KANK1: variants seen among roughly 807,000 people sequenced by gnomAD.
KANK1 encodes the protein KN motif and ankyrin repeat domain-containing protein 1.
Under a neutral mutation model 106.2 loss-of-function variants are expected in KANK1, and 109 were observed. The ratio of observed to expected loss-of-function variants is 1.03; its 90% CI spans 0.88 to 1.20. The LOEUF (loss-of-function observed/expected upper bound fraction) is 1.20, where lower values mean the gene tolerates loss of function less well. KANK1 is among the 50% of genes most tolerant of loss of function. The pLI is 0.00. For missense variants in KANK1, 2,399 were observed against 1,710.7 expected (o/e 1.40, Z -7.10); for synonymous variants, 873 against 652.2 (o/e 1.34, Z -5.16).
In KANK1 at chr9:730,174, A is replaced by T. The variant is rs1403351620; in HGVS notation, c.2822A>T (p.Asp941Val). Residue 941 changes from aspartate (D) to valine (V), a missense_variant, in exon 4 of 12, where the codon GAT becomes GTT. Transcript: ENST00000382297. ...TSEGKPISSL[D>V]AFPTQEGTLS... ...GAAGGAAAGCCAATCAGCAGCCTGG[A>T]TGCCTTCCCCACTCAGGAAGGTACG... 1.9e-6 allele frequency: 3 copies of T among 1,614,156 alleles called. No individual in the cohort carries two copies. In the South Asian group the frequency reaches 3.3e-5, roughly 18 times the overall value.
At chr9:625,867 G>A (rs1459672364) in intron 1 of KANK1, among the ~76,000 whole-genome samples, 1 of 151,982 alleles carries the variant, frequency 6.6e-6, no homozygotes, top group African/African-American at 2.4e-5. Flanking sequence ...TCACCACTCG[G>A]TTCATTTCCC....
chr9:726,009 T>A (rs1830545640), intron 3 of KANK1, among the ~76,000 whole-genome samples: 1 of 152,248 alleles, frequency 6.6e-6, no homozygotes, highest in South Asian at 2.1e-4. Context: ...TGTGACTCTT[T>A]AGCCTTAGCA....
At chr9:476,856 A>G (rs994987048) in intron 3 of KANK1, 2 of 152,222 alleles carry the variant, frequency 1.3e-5, no homozygotes, top group African/African-American at 4.8e-5. Context: ...CAGCATTTGA[A>G]TGAATGAATG....
intron 1 of KANK1, among the ~76,000 whole-genome samples, chr9:613,842 G>A (rs891282338): frequency 6.6e-6 from 1 of 152,128 alleles, no homozygotes; most frequent in Non-Finnish European, 1.5e-5. Flanking sequence ...CAGCCTTTTG[G>A]GAAGTTAAAT....
At chr9:649,366 C>T (rs763976141) in intron 1 of KANK1, among the ~76,000 whole-genome samples, 5 of 152,124 alleles carry the variant, frequency 3.3e-5, no homozygotes, top group Non-Finnish European at 5.9e-5. Flanking sequence ...TTGGACCTCA[C>T]CTTATCTGGT....
chr9:649,562 A>T (rs1056579815), intron 1 of KANK1, among the ~76,000 whole-genome samples: 3 of 152,172 alleles, frequency 2.0e-5, no homozygotes, highest in Admixed American at 6.5e-5. Flanking sequence ...ATAGCTACAC[A>T]CTATAGCAGG....
At chr9:503,001 ATTTTTTTTT>A (rs35195436), upstream of KANK1, among the ~76,000 whole-genome samples, 197 of 70,244 alleles carry the variant, frequency 2.8e-3, 1 homozygote, top group South Asian at 0.023. Flanking sequence ...CGCCCAGCTG[ATTTTTTTTT>A]TTTTTTTTTT....
At chr9:734,082 C>G (rs950568928) in intron 6 of KANK1, 4 of 130,892 alleles carry the variant, frequency 3.1e-5, no homozygotes, top group Admixed American at 1.9e-4. Context: ...GCACTCCAGC[C>G]TGGGCAACAG....
chr9:713,497 AAG>A lies in KANK1; in HGVS notation c.2698+34_2698+35del, dbSNP rs750828584. 2.0e-6 allele frequency: 3 copies of A among 1,519,028 alleles called. No homozygotes were observed. In the Admixed American group the frequency reaches 6.9e-5, roughly 35 times the overall value. The allele number at this position is 1,519,028 out of a possible 1,614,324, so 94.1% of individuals were successfully genotyped here. ...GTACCCTGAGGACCTGGGAATGAGGAAGGATGGGGGAAAATGTCTTTCCAGAA... is the reference window on the plus strand; with the variant it reads ...GTACCCTGAGGACCTGGGAATGAGGAGATGGGGGAAAATGTCTTTCCAGAA... On this transcript the variant is annotated intron_variant, in intron 3 of 11. Coordinates refer to ENST00000382297, the MANE Select transcript of KANK1 (RefSeq NM_015158.5).
chr9:687,327 G>A (rs9408679), intron 2 of KANK1, among the ~76,000 whole-genome samples: 2,600 of 152,190 alleles, frequency 0.017, 31 homozygotes, highest in Non-Finnish European at 0.029. Context: ...ATTGAGCTTT[G>A]TATTTTCTGT....
At chr9:542,446 T>G (rs1313769513) in intron 1 of KANK1, among the ~76,000 whole-genome samples, 6 of 152,228 alleles carry the variant, frequency 3.9e-5, no homozygotes. Context: ...AGGGACCCTC[T>G]TAGACTGTTG....
upstream of KANK1, among the ~76,000 whole-genome samples, chr9:502,816 G>A (rs1377432223): frequency 6.6e-6 from 1 of 151,960 alleles, no homozygotes; most frequent in Non-Finnish European, 1.5e-5. Flanking sequence ...GTGAGCCAGT[G>A]CACCCGGTCG....
At chr9:562,348 G>A (rs553730762) in intron 1 of KANK1, among the ~76,000 whole-genome samples, 4 of 152,280 alleles carry the variant, frequency 2.6e-5, no homozygotes, top group Admixed American at 6.5e-5. Flanking sequence ...CACCGCGCCC[G>A]GCCCAAGTAA....
chr9:584,048 G>T (rs1475621664), intron 1 of KANK1, among the ~76,000 whole-genome samples: 1 of 152,056 alleles, frequency 6.6e-6, no homozygotes, highest in Non-Finnish European at 1.5e-5. Context: ...ATTTGACCTT[G>T]ACCTTATCCC....
At chr9:571,380 A>G (rs1320932399) in intron 1 of KANK1, among the ~76,000 whole-genome samples, 3 of 152,228 alleles carry the variant, frequency 2.0e-5, no homozygotes, top group Non-Finnish European at 4.4e-5. Flanking sequence ...GATTTGTTCC[A>G]GTGTTGGAGC....
At chr9:652,076 C>G (rs1320333651) in intron 1 of KANK1, among the ~76,000 whole-genome samples, 1 of 152,170 alleles carries the variant, frequency 6.6e-6, no homozygotes, top group African/African-American at 2.4e-5. Context: ...GACAACCTGA[C>G]ATTATCCATT....
At chr9:472,799 C>G (rs1213899525) in intron 2 of KANK1, among the ~76,000 whole-genome samples, 2 of 152,158 alleles carry the variant, frequency 1.3e-5, no homozygotes, top group Non-Finnish European at 2.9e-5. Context: ...GAGGCTTGAT[C>G]CGAGCTGGTG....
At chr9:727,710 G>GTGTGTGTA (rs1263891367) in intron 3 of KANK1, among the ~76,000 whole-genome samples, 4 of 151,704 alleles carry the variant, frequency 2.6e-5, no homozygotes, top group Non-Finnish European at 4.4e-5. Context: ...GTGTGTGTGT[G>GTGTGTGTA]TGTGTGTATG....
intron 1 of KANK1, among the ~76,000 whole-genome samples, chr9:622,626 G>A (rs1387865301): frequency 2.6e-5 from 4 of 152,126 alleles, no homozygotes; most frequent in African/African-American, 7.2e-5. Flanking sequence ...GTAAGAGGCC[G>A]GGTGCAGTGG....
Sources: gnomAD v4.1 joint callset for allele counts (sites outside exome capture counted in the v4.1 genomes callset) on GRCh38, gnomAD v4.1.1 for gene constraint, MANE v1.5 for transcripts, NCBI Gene and HGNC (gene_info 2026-07-23, HGNC 2026-07-21) for gene names.